Variants in MX2 observed in about 807,000 individuals in gnomAD.
MX2 encodes interferon-induced GTP-binding protein Mx2.
A neutral mutation model predicts 74.0 loss-of-function variants in MX2; 51 were observed. That is an observed-to-expected ratio of 0.69 (90% confidence interval 0.55 to 0.87). The LOEUF (loss-of-function observed/expected upper bound fraction) is 0.87, where lower values mean the gene tolerates loss of function less well. Ranked by LOEUF, MX2 falls within the 40% of genes least tolerant of loss-of-function variation. MX2 has a pLI of 0.00. For synonymous variants in MX2, 369 were observed against 339.3 expected (o/e 1.09, Z -0.96); for missense variants, 832 against 908.7 (o/e 0.92, Z 1.09).
At chr21:41,384,468 GTC>G (rs2089542408) in intron 5 of MX2, among the ~76,000 whole-genome samples, 1 of 152,182 alleles carries the variant, frequency 6.6e-6, no homozygotes, top group African/African-American at 2.4e-5. Flanking sequence ...TAAGTGTGCG[GTC>G]TCTCTAAGCT....
chr21:41,400,620 AC>A lies in MX2; in HGVS notation c.1414+1284del, dbSNP rs757015997. Among the ~76,000 whole-genome samples, 27 of 9,872 alleles carry A rather than the reference AC, an allele frequency of 2.7e-3. No homozygotes were observed. The Admixed American group carries it at 0.1, about 37-fold the overall frequency. The allele number at this position is 9,872 out of a possible 152,430, so 6.5% of individuals were successfully genotyped here. A position where few individuals can be genotyped will look rare whatever the true frequency, so the allele number is the denominator to read the frequency against. ...GGCTAGGGAGACCTCAGAAAACTTA[AC>A]AATCATAGCAGAAAGCAAAGGAGAA... On this transcript the variant is annotated intron_variant, in intron 10 of 13. Coordinates refer to ENST00000330714, the MANE Select transcript of MX2 (RefSeq NM_002463.2).
chr21:41,394,211 C>G (rs1447276249), intron 6 of MX2, among the ~76,000 whole-genome samples: 2 of 152,200 alleles, frequency 1.3e-5, no homozygotes, highest in Non-Finnish European at 2.9e-5. Context: ...CATATAAACC[C>G]CGGACTCCTT....
intron 11 of MX2, chr21:41,403,028 C>T: frequency 2.1e-6 from 1 of 478,118 alleles, no homozygotes; most frequent in Non-Finnish European, 3.8e-6. Flanking sequence ...CAGAGGCTAA[C>T]ATGCACACAG....
intron 1 of MX2, among the ~76,000 whole-genome samples, chr21:41,372,471 G>A (rs2089338054): frequency 6.6e-6 from 1 of 152,152 alleles, no homozygotes; most frequent in African/African-American, 2.4e-5. Flanking sequence ...CTTTCTGAAA[G>A]TTTGGTGGAT....
intron 8 of MX2, among the ~76,000 whole-genome samples, chr21:41,398,470 G>A (rs1254245884): frequency 2.0e-5 from 3 of 152,188 alleles, no homozygotes; most frequent in Admixed American, 6.5e-5. Context: ...TTGAGAAATC[G>A]AATATTTTTA....
chr21:41,364,901 TGC>T (rs935832294), intron 1 of MX2: 1 of 152,146 alleles, frequency 6.6e-6, no homozygotes, highest in Non-Finnish European at 1.5e-5. Context: ...GATTAGATGG[TGC>T]CCACCTAGAC....
At chr21:41,398,850 C>T (rs2089769922) in intron 8 of MX2, 47 bp from the exon 9 acceptor site, 1 of 1,590,446 alleles carries the variant, frequency 6.3e-7, no homozygotes, top group African/African-American at 1.3e-5. Context: ...AATCAGTTGG[C>T]CAATCTCTTA....
At position 41,394,495 on chromosome 21, in the gene MX2, C is replaced by T. The variant is rs565892934; in HGVS notation, c.872-1092C>T. On this transcript the variant is annotated intron_variant, in intron 6 of 13. Coordinates refer to ENST00000330714, the MANE Select transcript of MX2 (RefSeq NM_002463.2). Reference sequence around the variant, plus strand: ...CGCTGCCCACGGTCATTTGCCAGCACGTCACTTTATGTTAATTCTCTGCAT... The same window carrying T: ...CGCTGCCCACGGTCATTTGCCAGCATGTCACTTTATGTTAATTCTCTGCAT... Among the ~76,000 whole-genome samples the T allele has an allele frequency of 3.3e-5, 5 of 152,308 alleles. No individual in the cohort carries two copies. The South Asian group carries it at 1.0e-3, about 32-fold the overall frequency.
At chr21:41,397,891 A>T (rs1254175073) in intron 8 of MX2, among the ~76,000 whole-genome samples, 200 bp downstream of exon 8, 2 of 152,244 alleles carry the variant, frequency 1.3e-5, no homozygotes, top group African/African-American at 4.8e-5. Context: ...TATTAAAACA[A>T]ATGTTTGAAT....
chr21:41,387,918 G>A (rs1376281227), intron 5 of MX2, among the ~76,000 whole-genome samples: 1 of 152,114 alleles, frequency 6.6e-6, no homozygotes, highest in African/African-American at 2.4e-5. Flanking sequence ...CATGACCACT[G>A]GGGTCAGCCC....
chr21:41,370,619 G>C (rs1369942300), intron 1 of MX2: 1 of 152,178 alleles, frequency 6.6e-6, no homozygotes, highest in Non-Finnish European at 1.5e-5. Context: ...GAGAAGAGTT[G>C]GAAGCAAAAA....
In MX2 at chr21:41,408,424, C is replaced by G; in HGVS notation, c.*191C>G. 1 of 716,158 alleles carries G rather than the reference C, an allele frequency of 1.4e-6. No homozygotes were observed. Among genetic ancestry groups the G allele is most frequent in the East Asian group, 2.8e-5 (1 of 36,194 alleles). The allele number at this position is 716,158 out of a possible 1,614,324, so 44.4% of individuals were successfully genotyped here. A position where few individuals can be genotyped will look rare whatever the true frequency, so the allele number is the denominator to read the frequency against. On this transcript the variant is annotated 3_prime_UTR_variant, in exon 14 of 14. Transcript: ENST00000330714. ...GCTCAGCTCTCTCCACCACCCAGCT[C>G]TTCCCTGACCTTCACGAAGGGATGG...
At chr21:41,394,339 C>T (rs1160071266) in intron 6 of MX2, among the ~76,000 whole-genome samples, 1 of 152,188 alleles carries the variant, frequency 6.6e-6, no homozygotes, top group African/African-American at 2.4e-5. Context: ...TGCTCCCTCT[C>T]AACCAGGGTC....
intron 7 of MX2, among the ~76,000 whole-genome samples, chr21:41,396,012 C>T (rs2089730091): frequency 6.6e-6 from 1 of 152,180 alleles, no homozygotes; most frequent in African/African-American, 2.4e-5. Flanking sequence ...TGACATAAAG[C>T]GTAGAACTCT....
At chr21:41,387,267 T>C (rs575653750) in intron 5 of MX2, among the ~76,000 whole-genome samples, 1 of 152,252 alleles carries the variant, frequency 6.6e-6, no homozygotes, top group Admixed American at 6.5e-5. Flanking sequence ...TGTCTTTCAT[T>C]TGAAAGATTC....
chr21:41,381,684 C>CAAAAAAAAAA (rs57350601), intron 4 of MX2, among the ~76,000 whole-genome samples: 4 of 58,436 alleles, frequency 6.8e-5, no homozygotes, highest in Admixed American at 1.8e-4. Context: ...GACTCTGTCT[C>CAAAAAAAAAA]AAAAAAAAAA....
chr21:41,376,716 C>A, intron 1 of MX2, 120 bp from the exon 2 acceptor site: 1 of 704,478 alleles, frequency 1.4e-6, no homozygotes, highest in Non-Finnish European at 2.3e-6. Flanking sequence ...GACCCCTGGT[C>A]TCTGCATCTG....
At chr21:41,383,705 T>C (rs565255789) in intron 5 of MX2, among the ~76,000 whole-genome samples, 26 of 152,312 alleles carry the variant, frequency 1.7e-4, no homozygotes, top group African/African-American at 5.3e-4. Context: ...GGGTCTTCAC[T>C]AGCTCTGCTG....
In MX2 at chr21:41,377,860, G is replaced by A. The variant is rs1458403419; in HGVS notation, c.321G>A (p.Leu107=). 1.2e-6 allele frequency: 2 copies of A among 1,614,244 alleles called. No individual in the cohort carries two copies. Among genetic ancestry groups the A allele is most frequent in the East Asian group, 2.2e-5 (1 of 44,892 alleles). The change falls in exon 3 of 14, where the codon CTG becomes CTA. Residue 107 remains leucine, a synonymous_variant. Coordinates refer to ENST00000330714, the MANE Select transcript of MX2 (RefSeq NM_002463.2). ...VRPCIDLIDS[L]RALGVEQDLA... is the part of the protein sequence containing the mutation. The stretch of plus-strand genomic sequence containing the variant: ...CCTGCATTGACCTCATCGACTCCCT[G>A]CGGGCTCTGGGTGTGGAGCAGGACC...
Sources: allele counts gnomAD v4.1 joint callset (sites outside exome capture counted in the v4.1 genomes callset), GRCh38; gene constraint gnomAD v4.1.1; transcripts MANE v1.5; gene names NCBI Gene and HGNC (gene_info 2026-07-23, HGNC 2026-07-21).